Variants in KCNH1 observed in about 807,000 individuals in gnomAD.
KCNH1 encodes the protein potassium voltage-gated channel subfamily H member 1.
Under a neutral mutation model 69.2 loss-of-function variants are expected in KCNH1, and 27 were observed. The ratio of observed to expected loss-of-function variants is 0.39; its 90% confidence interval spans 0.29 to 0.54. The LOEUF is 0.54. KCNH1 is among the 20% of genes least tolerant of loss of function. The pLI, the probability that KCNH1 is intolerant of heterozygous loss-of-function variation, is 0.68. For missense variants in KCNH1, 798 were observed against 1,261.6 expected (o/e 0.63, Z 5.57); for synonymous variants, 456 against 487.7 (o/e 0.93, Z 0.86).
At chr1:210,907,840 G>A (rs1178982974) in intron 7 of KCNH1, among the ~76,000 whole-genome samples, 1 of 152,184 alleles carries the variant, frequency 6.6e-6, no homozygotes, top group Non-Finnish European at 1.5e-5. Flanking sequence ...AAGCACCTAT[G>A]GTCACCCAGA....
chr1:210,992,030 T>G (rs1688947996), intron 6 of KCNH1, among the ~76,000 whole-genome samples: 1 of 152,204 alleles, frequency 6.6e-6, no homozygotes, highest in Non-Finnish European at 1.5e-5. Context: ...ATCAAGTACC[T>G]TTGTGAGGTT....
chr1:210,862,238 G>A, intron 7 of KCNH1: 1 of 1,121,944 alleles, frequency 8.9e-7, no homozygotes, highest in Middle Eastern at 2.0e-4. Flanking sequence ...TGCAGGGCTG[G>A]GTCCATGGTG....
intron 1 of KCNH1, among the ~76,000 whole-genome samples, chr1:211,129,443 G>T (rs1045438122): frequency 6.6e-6 from 1 of 152,124 alleles, no homozygotes; most frequent in South Asian, 2.1e-4. Context: ...AAATAAATGG[G>T]TTGCATAAAA....
At chr1:211,072,659 G>A (rs1289226003) in intron 5 of KCNH1, among the ~76,000 whole-genome samples, 1 of 152,042 alleles carries the variant, frequency 6.6e-6, no homozygotes, top group Non-Finnish European at 1.5e-5. Flanking sequence ...TTTGAAAGAG[G>A]TTTGGATTAG....
At chr1:210,925,320 C>T (rs972650048) in intron 6 of KCNH1, among the ~76,000 whole-genome samples, 3 of 152,226 alleles carry the variant, frequency 2.0e-5, no homozygotes, top group Non-Finnish European at 4.4e-5. Context: ...ATGCTGTGAA[C>T]TTTTGCTCCA....
chr1:210,922,383 C>CAAAAAAAAAAAA (rs758026291), intron 6 of KCNH1, among the ~76,000 whole-genome samples: 8 of 98,318 alleles, frequency 8.1e-5, no homozygotes, highest in East Asian at 5.3e-4. Flanking sequence ...GACTCCGTCT[C>CAAAAAAAAAAAA]AAAAAAAAAA....
chr1:210,825,042 A>G (rs2102431233), intron 7 of KCNH1, among the ~76,000 whole-genome samples: 1 of 152,286 alleles, frequency 6.6e-6, no homozygotes, highest in South Asian at 2.1e-4. Flanking sequence ...CATCACTCTA[A>G]TTTTTGCTTG....
intron 10 of KCNH1, among the ~76,000 whole-genome samples, chr1:210,741,730 G>C (rs1031851417): frequency 6.6e-6 from 1 of 152,136 alleles, no homozygotes; most frequent in African/African-American, 2.4e-5. Flanking sequence ...GTGTACAAGA[G>C]ACCAGCCCTG....
In KCNH1 at chr1:210,886,780, C is replaced by T. The variant is rs112277789; in HGVS notation, c.1462+32860G>A. Reference sequence around the variant, plus strand: ...AGTATCAGTAACTGAATCGATCAAGCGGAAGAAAGGATATCAGAGATTGAA... The same window carrying T: ...AGTATCAGTAACTGAATCGATCAAGTGGAAGAAAGGATATCAGAGATTGAA... On this transcript the variant is annotated intron_variant, in intron 7 of 10. Coordinates refer to ENST00000271751, the MANE Select transcript of KCNH1 (RefSeq NM_172362.3). 3.5e-3 allele frequency among the ~76,000 whole-genome samples: 526 copies of T among 151,372 alleles called. 4 individuals carry two copies. Among genetic ancestry groups the T allele is most frequent in the African/African-American group, 0.012 (494 of 41,204 alleles).
chr1:210,775,436 T>C lies in KCNH1; in HGVS notation c.2024A>G (p.Asp675Gly). Residue 675 changes from aspartate (D) to glycine (G), a missense_variant, in exon 10 of 11, where the codon GAT becomes GGT. By Grantham distance (94) the Asp-to-Gly change is moderately conservative (BLOSUM62 -1). Around this residue, in one of 4 missense-constraint regions of KCNH1, gnomAD observed 197 missense variants for 407.7 expected, o/e 0.48. Transcript: ENST00000271751. ...GAATTCCAGCACTTTCTGCAGGGCA[T>C]CCCGCTTGATCACATGCAGATCACA... ...TYCDLHVIKR[D>G]ALQKVLEFYT... The C allele has an allele frequency of 1.2e-6, 2 of 1,614,112 alleles. No homozygotes were observed. Among genetic ancestry groups the C allele is most frequent in the South Asian group, 2.2e-5 (2 of 91,076 alleles).
Position 210,831,190 on chromosome 1 carries a change from C to G in KCNH1, c.1463-27024G>C, listed in dbSNP as rs113422769. On this transcript the variant is annotated intron_variant, in intron 7 of 10. Transcript: ENST00000271751. ...GCTTATCCAAGGAAAATACTGTTGC[C>G]AACTTCTAACTGATGCTTTATTCTG... 2.3e-3 allele frequency among the ~76,000 whole-genome samples: 352 copies of G among 152,304 alleles called. 5 individuals carry two copies. Among genetic ancestry groups the G allele is most frequent in the African/African-American group, 8.0e-3 (332 of 41,586 alleles).
intron 1 of KCNH1, among the ~76,000 whole-genome samples, chr1:211,121,794 C>T (rs543041824): frequency 5.5e-4 from 83 of 152,228 alleles, no homozygotes; most frequent in African/African-American, 1.9e-3. Flanking sequence ...TGACAAAGGT[C>T]TAATATCCAG....
chr1:210,747,627 T>C (rs919240343), intron 10 of KCNH1, among the ~76,000 whole-genome samples: 11 of 134,832 alleles, frequency 8.2e-5, no homozygotes, highest in Middle Eastern at 3.5e-3. Context: ...TGTGTATTCC[T>C]TTATCTTTCA....
At chr1:210,762,019 C>T (rs6691880) in intron 10 of KCNH1, among the ~76,000 whole-genome samples, 2 of 151,756 alleles carry the variant, frequency 1.3e-5, no homozygotes, top group Non-Finnish European at 2.9e-5. Context: ...TCAATAAATT[C>T]AAAAAAATCA....
chr1:210,686,787 C>T (rs1229705174), intron 10 of KCNH1, among the ~76,000 whole-genome samples: 1 of 152,116 alleles, frequency 6.6e-6, no homozygotes, highest in African/African-American at 2.4e-5. Context: ...ATATCTTATC[C>T]CCCTAAAAGG....
At chr1:210,740,420 G>A (rs1041124855) in intron 10 of KCNH1, among the ~76,000 whole-genome samples, 5 of 151,986 alleles carry the variant, frequency 3.3e-5, no homozygotes, top group Admixed American at 6.6e-5. Context: ...CATGATATGA[G>A]GCTTCTATAT....
intron 6 of KCNH1, among the ~76,000 whole-genome samples, chr1:211,004,494 T>G (rs1689242389): frequency 6.6e-6 from 1 of 152,004 alleles, no homozygotes. Flanking sequence ...TTTTTCAGAG[T>G]GCCCACCCAA....
chr1:210,859,495 C>T (rs921648353), intron 7 of KCNH1: 1 of 1,603,820 alleles, frequency 6.2e-7, no homozygotes, highest in African/African-American at 1.3e-5. Context: ...ACCTTCTTCC[C>T]AATCTTCATC....
intron 6 of KCNH1, among the ~76,000 whole-genome samples, chr1:210,982,665 A>G (rs1160911931): frequency 6.6e-6 from 1 of 152,050 alleles, no homozygotes; most frequent in Non-Finnish European, 1.5e-5. Context: ...AATCCAGTCT[A>G]TCGTTGTTGG....
Sources: gnomAD v4.1 joint callset for allele counts (sites outside exome capture counted in the v4.1 genomes callset) on GRCh38, gnomAD v4.1.1 for gene constraint, gnomAD v4.1.1 regional missense constraint, MANE v1.5 for transcripts, NCBI Gene and HGNC (gene_info 2026-07-23, HGNC 2026-07-21) for gene names.